ITGB6: variants seen among roughly 807,000 people sequenced by gnomAD.
ITGB6 encodes integrin beta-6.
ITGB6 carries 80 observed loss-of-function variants against 84.5 expected under a neutral mutation model. The observed-to-expected ratio is 0.95, with a 90% CI of 0.79 to 1.14. The LOEUF is 1.14. Ranked by LOEUF, ITGB6 falls within the 50% of genes most tolerant of loss-of-function variation. The probability of loss-of-function intolerance (pLI) is 0.00; values close to 1 mark genes in which losing one functional copy is unlikely to be tolerated. For missense variants in ITGB6, 1,006 were observed against 968.0 expected (o/e 1.04, Z -0.52); for synonymous variants, 383 against 354.9 (o/e 1.08, Z -0.89).
intron 14 of ITGB6, among the ~76,000 whole-genome samples, chr2:160,103,155 T>TATGGTAGA (rs1479942523): frequency 6.6e-6 from 1 of 152,164 alleles, no homozygotes; most frequent in Admixed American, 6.5e-5. Flanking sequence ...GAATTATAGC[T>TATGGTAGA]ATGGTAGAAA....
chr2:160,147,610 T>C (rs745518923), intron 7 of ITGB6, among the ~76,000 whole-genome samples: 1 of 152,146 alleles, frequency 6.6e-6, no homozygotes, highest in African/African-American at 2.4e-5. Flanking sequence ...CCAAAGAGTG[T>C]GGTATTGACA....
chr2:160,136,505 G>T (rs915837524), intron 10 of ITGB6, among the ~76,000 whole-genome samples: 3 of 152,132 alleles, frequency 2.0e-5, no homozygotes, highest in African/African-American at 7.2e-5. Flanking sequence ...ATTCCTCAGG[G>T]ATCTAGAACT....
intron 7 of ITGB6, among the ~76,000 whole-genome samples, chr2:160,165,293 C>T (rs1210666907): frequency 1.3e-5 from 2 of 152,212 alleles, no homozygotes. Context: ...TGGTAATTTC[C>T]CTCCTCCAGA....
chr2:160,154,712 A>G (rs1176004575), intron 7 of ITGB6, among the ~76,000 whole-genome samples: 1 of 152,344 alleles, frequency 6.6e-6, no homozygotes, highest in South Asian at 2.1e-4. Context: ...TAAAAAAAAA[A>G]AGGCTGTGGT....
chr2:160,179,145 C>T (rs2105877405), intron 4 of ITGB6: 1 of 152,044 alleles, frequency 6.6e-6, no homozygotes, highest in South Asian at 2.1e-4. Context: ...AATATTACTT[C>T]AATTTTTTGT....
intron 4 of ITGB6, among the ~76,000 whole-genome samples, chr2:160,185,604 C>A (rs1489103872): frequency 6.6e-6 from 1 of 152,196 alleles, no homozygotes; most frequent in African/African-American, 2.4e-5. Context: ...ACTTTCTTCA[C>A]AGATTTAGAA....
At chr2:160,145,150 T>C (rs931902266) in intron 7 of ITGB6, among the ~76,000 whole-genome samples, 3 of 152,188 alleles carry the variant, frequency 2.0e-5, no homozygotes, top group African/African-American at 7.2e-5. Context: ...AGAAAAAGGA[T>C]GATTTTGCAT....
intron 7 of ITGB6, among the ~76,000 whole-genome samples, chr2:160,161,496 GGC>G (rs1445065484): frequency 6.6e-6 from 1 of 151,994 alleles, no homozygotes; most frequent in African/African-American, 2.4e-5. Context: ...TCACCATGTT[GGC>G]CAGGCTGTTC....
Position 160,107,702 on chromosome 2 carries a change from G to T in ITGB6, c.2245C>A (p.Arg749=), listed in dbSNP as rs199651918. 6.2e-7 allele frequency: 1 copy of T among 1,613,936 alleles called. No individual in the cohort carries two copies. The highest frequency in any genetic ancestry group is 2.2e-5 in the East Asian group (1 of 44,884). ...ACCGTTTGCCACTTGGCTTTTGATC[G>T]TTCTGCTTCAAATTTGGCAACTTCT... ...RKEVAKFEAE[R]SKAKWQTGTN... The change falls in exon 14 of 15, where the codon CGA becomes AGA. Residue 749 remains arginine (R), a synonymous_variant. Coordinates refer to ENST00000283249, the MANE Select transcript of ITGB6 (RefSeq NM_000888.5).
At position 160,138,945 on chromosome 2, in the gene ITGB6, C is replaced by A. The variant is rs143794106; in HGVS notation, c.1108-746G>T. On this transcript the variant is annotated intron_variant, in intron 8 of 14. Coordinates refer to ENST00000283249, the MANE Select transcript of ITGB6 (RefSeq NM_000888.5). Reference sequence around the variant, plus strand: ...AAACTACATCATGACTGCTGCCTGGCACCACAATGGTGATAGTAACTCACC... The same window carrying A: ...AAACTACATCATGACTGCTGCCTGGAACCACAATGGTGATAGTAACTCACC... Among the ~76,000 whole-genome samples the A allele has an allele frequency of 1.8e-4, 28 of 152,246 alleles. 1 individual carries two copies. In the East Asian group the frequency reaches 5.4e-3, roughly 29 times the overall value.
At chr2:160,198,983 C>T (rs1301870216) in intron 2 of ITGB6, among the ~76,000 whole-genome samples, 196 bp downstream of exon 2, 1 of 152,174 alleles carries the variant, frequency 6.6e-6, no homozygotes, top group Non-Finnish European at 1.5e-5. Flanking sequence ...ACATCCACTC[C>T]TTCTACAAAT....
chr2:160,107,060 T>A (rs1696935564), intron 14 of ITGB6, among the ~76,000 whole-genome samples: 1 of 152,222 alleles, frequency 6.6e-6, no homozygotes, highest in African/African-American at 2.4e-5. Context: ...TCTGATTGCC[T>A]CTTGTGAAGA....
Position 160,178,688 on chromosome 2 carries a change from C to CTT in ITGB6, c.594-4551_594-4550dup, listed in dbSNP as rs746675372. ...TCTATCTTTCTCTCTCTCTCTCTCT[C>CTT]TTTTTTTTTTTTTTTTTTTTTGAGA... On this transcript the variant is annotated intron_variant, in intron 4 of 14. Transcript: ENST00000283249. 4.5e-3 allele frequency among the ~76,000 whole-genome samples: 471 copies of CTT among 103,720 alleles called. 15 individuals are homozygous for CTT. The highest frequency in any genetic ancestry group is 0.014 in the African/African-American group (397 of 28,978). The allele number at this position is 103,720 out of a possible 152,430, so 68.0% of individuals were successfully genotyped here.
At chr2:160,180,879 G>A (rs536190103) in intron 4 of ITGB6, among the ~76,000 whole-genome samples, 5 of 152,294 alleles carry the variant, frequency 3.3e-5, no homozygotes, top group South Asian at 2.1e-4. Flanking sequence ...CCATGGAAGC[G>A]CAAGTGGTCA....
At chr2:160,191,406 A>G (rs1438019236) in intron 4 of ITGB6, among the ~76,000 whole-genome samples, 1 of 152,178 alleles carries the variant, frequency 6.6e-6, no homozygotes, top group African/African-American at 2.4e-5. Flanking sequence ...ATGAGATGCA[A>G]GTCTAAGGTG....
At chr2:160,159,204 C>T (rs1684734448) in intron 7 of ITGB6, among the ~76,000 whole-genome samples, 1 of 151,834 alleles carries the variant, frequency 6.6e-6, no homozygotes, top group Admixed American at 6.6e-5. Context: ...TTGGATACAC[C>T]AGTTAAAAAA....
intron 11 of ITGB6, among the ~76,000 whole-genome samples, chr2:160,124,101 C>T (rs1683144848): frequency 6.6e-6 from 1 of 152,190 alleles, no homozygotes; most frequent in Admixed American, 6.5e-5. Flanking sequence ...TTCCCTGGGC[C>T]AGTCTTGATA....
intron 10 of ITGB6, among the ~76,000 whole-genome samples, chr2:160,135,852 T>C (rs993804962): frequency 6.0e-4 from 91 of 152,334 alleles, no homozygotes; most frequent in African/African-American, 2.1e-3. Context: ...GCTAGCCATA[T>C]GTAGAAAGCT....
chr2:160,143,590 G>A (rs1368613542), intron 7 of ITGB6, among the ~76,000 whole-genome samples: 2 of 152,122 alleles, frequency 1.3e-5, no homozygotes, highest in Non-Finnish European at 2.9e-5. Context: ...TGTGTGCTAC[G>A]AAATTAGATG....
Sources: gnomAD v4.1 joint callset for allele counts (sites outside exome capture counted in the v4.1 genomes callset) on GRCh38, gnomAD v4.1.1 for gene constraint, MANE v1.5 for transcripts, NCBI Gene and HGNC (gene_info 2026-07-23, HGNC 2026-07-21) for gene names.